The following WDFY4 variants were observed in gnomAD, a reference collection of about 807,000 sequenced individuals.
WDFY4 encodes the protein WD repeat- and FYVE domain-containing protein 4.
Under a neutral mutation model 351.9 loss-of-function variants are expected in WDFY4, and 169 were observed. That is an observed-to-expected ratio of 0.48 (90% CI 0.42 to 0.55). The LOEUF (loss-of-function observed/expected upper bound fraction) is 0.55, where lower values mean the gene tolerates loss of function less well. Among genes scored for constraint, WDFY4 ranks in the 20% least tolerant of loss-of-function variants. WDFY4 has a pLI of 0.00. For missense variants in WDFY4, 3,803 were observed against 3,935.6 expected (o/e 0.97, Z 0.90); for synonymous variants, 1,622 against 1,574.6 (o/e 1.03, Z -0.71).
intron 60 of WDFY4, chr10:48,979,616 TGGATGGAC>T (rs1842728581): frequency 2.0e-5 from 3 of 151,016 alleles, no homozygotes; most frequent in Admixed American, 6.6e-5. Context: ...GATGGATGGA[TGGATGGAC>T]GGGTGGATGG....
rs774701511 is a variant in WDFY4, at chr10:48,832,721, C to T, written c.6663+12C>T. 2 of 1,512,440 alleles carry T rather than the reference C, an allele frequency of 1.3e-6. No individual in the cohort carries two copies. The highest frequency in any genetic ancestry group is 1.8e-6 in the Non-Finnish European group (2 of 1,124,886). The allele number at this position is 1,512,440 out of a possible 1,614,324, so 93.7% of individuals were successfully genotyped here. ...AGTGCAAGACAGAGGTGAGCCCAGA[C>T]CCCTTTTCCTCAGAAAAGTATCAGG... On this transcript the variant is annotated intron_variant, in intron 39 of 61. Transcript: ENST00000325239.
chr10:48,686,613 A>T (rs2063058254), intron 1 of WDFY4, among the ~76,000 whole-genome samples: 1 of 152,238 alleles, frequency 6.6e-6, no homozygotes, highest in Non-Finnish European at 1.5e-5. Flanking sequence ...GGAATTAAAT[A>T]TTCTTTTAAA....
In WDFY4 at chr10:48,726,301, T is replaced by C. The variant is rs148548852; in HGVS notation, c.781+231T>C. ...TTTTCTTGTTCATTTTGCTGCTCCA[T>C]TGGAGAAAGCAGGGAAAGAGGATCT... On this transcript the variant is annotated intron_variant, in intron 6 of 61. Transcript: ENST00000325239. Among the ~76,000 whole-genome samples the C allele has an allele frequency of 6.0e-3, 918 of 152,328 alleles. 10 individuals carry two copies. The highest frequency in any genetic ancestry group is 0.02 in the African/African-American group (842 of 41,562).
chr10:48,831,483 C>T (rs7093474), intron 38 of WDFY4, among the ~76,000 whole-genome samples: 66,926 of 152,050 alleles, frequency 0.44, 15,645 homozygotes, highest in East Asian at 0.83. Context: ...TGTACATCTT[C>T]CAGAATCACA....
chr10:48,795,323 A>G (rs2066818676), intron 23 of WDFY4, among the ~76,000 whole-genome samples: 1 of 151,770 alleles, frequency 6.6e-6, no homozygotes, highest in Admixed American at 6.6e-5. Flanking sequence ...ATAAGAAAAT[A>G]TAGCTTATTA....
At chr10:48,784,745 T>C (rs2066343128) in intron 19 of WDFY4, among the ~76,000 whole-genome samples, 1 of 151,392 alleles carries the variant, frequency 6.6e-6, no homozygotes, top group Admixed American at 6.6e-5. Flanking sequence ...TTTCACTATG[T>C]TGGCCAGGAT....
chr10:48,715,815 T>C (rs1241489771), intron 2 of WDFY4, among the ~76,000 whole-genome samples: 1 of 151,124 alleles, frequency 6.6e-6, no homozygotes, highest in Non-Finnish European at 1.5e-5. Context: ...TTTCTTTTTT[T>C]TTTTTTTGTA....
intron 1 of WDFY4, among the ~76,000 whole-genome samples, chr10:48,704,140 A>G (rs1294371794): frequency 2.0e-5 from 3 of 151,814 alleles, no homozygotes; most frequent in East Asian, 1.9e-4. Context: ...ACCTCTTCCC[A>G]TTGTTCATGC....
chr10:48,742,839 C>T lies in WDFY4; in HGVS notation c.1879-129C>T, dbSNP rs984242295. On this transcript the variant is annotated intron_variant, in intron 11 of 61. Coordinates refer to ENST00000325239, the MANE Select transcript of WDFY4 (RefSeq NM_001394531.1). ...GAGATCCCAATGTTTCAGAGTGATCCTTCCTGTAACTTGTTGGCCTGAAGT... is the reference window on the plus strand; with the variant it reads ...GAGATCCCAATGTTTCAGAGTGATCTTTCCTGTAACTTGTTGGCCTGAAGT... 70 of 829,430 alleles carry T rather than the reference C, an allele frequency of 8.4e-5. No homozygotes were observed. In the Middle Eastern group the frequency reaches 1.6e-3, roughly 19 times the overall value. 51.4% of individuals were successfully genotyped at this position (829,430 alleles called of 1,614,324 possible).
At chr10:48,806,188 G>A in intron 27 of WDFY4, 93 bp downstream of exon 27, 1 of 1,292,368 alleles carries the variant, frequency 7.7e-7, no homozygotes, top group South Asian at 1.3e-5. Flanking sequence ...GCTAAGTAAG[G>A]AAGGGGAAGG....
chr10:48,734,947 T>TC (rs1332024492), intron 10 of WDFY4, among the ~76,000 whole-genome samples: 3 of 149,068 alleles, frequency 2.0e-5, no homozygotes, highest in African/African-American at 7.4e-5. Flanking sequence ...GGCTAATTTT[T>TC]TTTTTTTTTT....
chr10:48,732,302 T>G (rs532993821), intron 9 of WDFY4, among the ~76,000 whole-genome samples: 1 of 152,260 alleles, frequency 6.6e-6, no homozygotes, highest in South Asian at 2.1e-4. Context: ...GTGTGGAAAC[T>G]CCTTCCCCAG....
intron 12 of WDFY4, among the ~76,000 whole-genome samples, chr10:48,748,709 A>G (rs1377854571): frequency 6.6e-6 from 1 of 152,242 alleles, no homozygotes; most frequent in East Asian, 1.9e-4. Flanking sequence ...TAAAAGAGAT[A>G]CATGGCCCTT....
At chr10:48,688,462 C>T (rs1565092084) in intron 1 of WDFY4, among the ~76,000 whole-genome samples, 1 of 152,190 alleles carries the variant, frequency 6.6e-6, no homozygotes, top group Non-Finnish European at 1.5e-5. Context: ...TAGGTCTTCT[C>T]TAAAGTATTT....
intron 35 of WDFY4, among the ~76,000 whole-genome samples, chr10:48,825,412 A>G (rs540866775): frequency 2.6e-5 from 4 of 152,322 alleles, no homozygotes; most frequent in East Asian, 3.9e-4. Flanking sequence ...TAGTGCTGCA[A>G]TGAACATACG....
At chr10:48,775,005 G>A (rs1017407488) in intron 14 of WDFY4, among the ~76,000 whole-genome samples, 1 of 152,136 alleles carries the variant, frequency 6.6e-6, no homozygotes, top group African/African-American at 2.4e-5. Flanking sequence ...GGGTGGGGCT[G>A]GGAGGGGCTG....
chr10:48,720,035 A>G lies in WDFY4; in HGVS notation c.259A>G (p.Ile87Val). The G allele has an allele frequency of 5.8e-6, 9 of 1,551,700 alleles. No individual in the cohort carries two copies. The highest frequency in any genetic ancestry group is 7.8e-6 in the Non-Finnish European group (9 of 1,146,962). Reference sequence around the variant, plus strand: ...GGCCTGGGAACACTCCGTGGGGATCATCTGCTTTCCCAGTCTCCAAAGGCT... The same window carrying G: ...GGCCTGGGAACACTCCGTGGGGATCGTCTGCTTTCCCAGTCTCCAAAGGCT... ...LKAWEHSVGI[I>V]CFPSLQRLAE... Residue 87 changes from isoleucine (I) to valine (V), a missense_variant, in exon 3 of 62, where the codon ATC (isoleucine) becomes GTC (valine). By Grantham distance (29) the Ile-to-Val change is conservative. Around this residue, in one of 3 missense-constraint regions of WDFY4, gnomAD observed 488 missense variants for 456.8 expected, o/e 1.07. Transcript: ENST00000325239.
At chr10:48,841,771 C>T (rs763218666) in intron 39 of WDFY4, among the ~76,000 whole-genome samples, 74 of 152,206 alleles carry the variant, frequency 4.9e-4, no homozygotes, top group Admixed American at 9.2e-4. Flanking sequence ...TAGTGCTAAA[C>T]GCAGTAACCT....
intron 15 of WDFY4, among the ~76,000 whole-genome samples, chr10:48,776,343 G>A (rs1415716430): frequency 1.3e-5 from 2 of 152,212 alleles, no homozygotes; most frequent in African/African-American, 4.8e-5. Flanking sequence ...GATCAGGCTT[G>A]GGGCTGACAG....
Sources: allele counts gnomAD v4.1 joint callset (sites outside exome capture counted in the v4.1 genomes callset), GRCh38; gene constraint gnomAD v4.1.1; regional missense constraint gnomAD v4.1.1; transcripts MANE v1.5; gene names NCBI Gene and HGNC (gene_info 2026-07-23, HGNC 2026-07-21).